Variants in EML6 observed in about 807,000 individuals in gnomAD.
The protein encoded by EML6 is echinoderm microtubule-associated protein-like 6.
In EML6, 154 loss-of-function variants were observed where a neutral mutation model predicts 240.1. The ratio of observed to expected loss-of-function variants is 0.64; its 90% CI spans 0.56 to 0.73. The LOEUF (loss-of-function observed/expected upper bound fraction) is 0.73, where lower values mean the gene tolerates loss of function less well. Among genes scored for constraint, EML6 ranks in the 30% least tolerant of loss-of-function variants. The pLI, the probability that EML6 is intolerant of heterozygous loss-of-function variation, is 0.00. For synonymous variants in EML6, 1,148 were observed against 899.0 expected (o/e 1.28, Z -4.95); for missense variants, 2,964 against 2,474.6 (o/e 1.20, Z -4.20).
rs2104359937 is a variant in EML6 at position 54,726,507 on chromosome 2, A to G, written c.197+1249A>G. ...ACAGAAGGCAAGCACTTAATATTCA[A>G]ACTACAGATTTTAAAAAATCTTGAC... On this transcript the variant is annotated intron_variant, in intron 2 of 41. Transcript: ENST00000356458. Among the ~76,000 whole-genome samples the G allele has an allele frequency of 2.0e-5, 3 of 152,296 alleles. No homozygotes were observed. The South Asian group carries it at 6.2e-4, about 32-fold the overall frequency.
At chr2:54,957,232 A>C (rs1044998994) in intron 32 of EML6, among the ~76,000 whole-genome samples, 2 of 152,128 alleles carry the variant, frequency 1.3e-5, no homozygotes, top group Non-Finnish European at 2.9e-5. Flanking sequence ...AATAAAACTC[A>C]GGAGACATAA....
intron 2 of EML6, among the ~76,000 whole-genome samples, chr2:54,741,549 G>A (rs549441035): frequency 3.7e-4 from 57 of 152,230 alleles, no homozygotes; most frequent in African/African-American, 1.3e-3. Flanking sequence ...CAAGAATTCA[G>A]TTTCTAAAGA....
At chr2:54,946,937 G>A (rs1264146001) in intron 28 of EML6, among the ~76,000 whole-genome samples, 2 of 151,226 alleles carry the variant, frequency 1.3e-5, no homozygotes, top group Non-Finnish European at 2.9e-5. Flanking sequence ...AAAAAAAAAA[G>A]CATCGGATTG....
intron 32 of EML6, among the ~76,000 whole-genome samples, chr2:54,956,991 T>G (rs1676262325): frequency 6.6e-6 from 1 of 152,122 alleles, no homozygotes; most frequent in Non-Finnish European, 1.5e-5. Flanking sequence ...ATAATACTAT[T>G]ACTACTACTA....
At chr2:54,803,165 C>G (rs1396823748) in intron 2 of EML6, among the ~76,000 whole-genome samples, 2 of 152,114 alleles carry the variant, frequency 1.3e-5, no homozygotes, top group Non-Finnish European at 2.9e-5. Flanking sequence ...TTCTTAACCA[C>G]AAGAGCAAAA....
chr2:54,837,198 C>A (rs763709183), intron 7 of EML6, among the ~76,000 whole-genome samples: 1 of 152,204 alleles, frequency 6.6e-6, no homozygotes, highest in African/African-American at 2.4e-5. Context: ...TGTCTTGTTT[C>A]ACCTTCAGTA....
At position 54,829,512 on chromosome 2, in the gene EML6, A is replaced by T. The variant is rs184455363; in HGVS notation, c.847+35A>T. On this transcript the variant is annotated intron_variant, in intron 7 of 41. Transcript: ENST00000356458. ...GTGTTAAGCTTACCTGTAACTCTGG[A>T]TGTGAAATATAATGTGAAGTTCTGT... The T allele has an allele frequency of 3.5e-3, 5,193 of 1,502,728 alleles. 207 individuals carry two copies. The South Asian group carries it at 0.057, about 16-fold the overall frequency. 93.1% of individuals were successfully genotyped at this position (1,502,728 alleles called of 1,614,324 possible). A position where few individuals can be genotyped will look rare whatever the true frequency, so the allele number is the denominator to read the frequency against.
At chr2:54,892,362 A>C (rs1672516653) in intron 18 of EML6, 92 bp from the exon 19 acceptor site, 7 of 747,590 alleles carry the variant, frequency 9.4e-6, no homozygotes, top group South Asian at 7.2e-5. Context: ...ACCTAATGAG[A>C]GACACCAGGT....
At chr2:54,915,124 C>A (rs1673841900) in intron 25 of EML6, among the ~76,000 whole-genome samples, 1 of 152,188 alleles carries the variant, frequency 6.6e-6, no homozygotes, top group South Asian at 2.1e-4. Flanking sequence ...TTATTTAACC[C>A]TTTTGCATTG....
At chr2:54,952,347 C>T (rs1009112162) in intron 30 of EML6, among the ~76,000 whole-genome samples, 3 of 152,054 alleles carry the variant, frequency 2.0e-5, no homozygotes, top group Non-Finnish European at 4.4e-5. Flanking sequence ...TGGGAAGTAT[C>T]GAAGAGCAGC....
chr2:54,934,146 A>C (rs1161108334), intron 28 of EML6, among the ~76,000 whole-genome samples: 2 of 152,222 alleles, frequency 1.3e-5, no homozygotes, highest in Non-Finnish European at 2.9e-5. Context: ...AAATACCAGC[A>C]GTCAGGATAT....
At chr2:54,816,936 T>C in intron 4 of EML6, 51 bp downstream of exon 4, 2 of 1,114,822 alleles carry the variant, frequency 1.8e-6, no homozygotes, top group Non-Finnish European at 2.7e-6. Flanking sequence ...TGGGGGGACT[T>C]GTGATATCGC....
intron 38 of EML6, among the ~76,000 whole-genome samples, chr2:54,965,832 T>C (rs752011358): frequency 6.6e-6 from 1 of 152,240 alleles, no homozygotes; most frequent in Non-Finnish European, 1.5e-5. Context: ...TCCTAAACCA[T>C]AATTTCTAAT....
chr2:54,820,614 C>G (rs972359689), intron 5 of EML6, among the ~76,000 whole-genome samples, 152 bp downstream of exon 5: 2 of 152,050 alleles, frequency 1.3e-5, no homozygotes, highest in African/African-American at 4.8e-5. Flanking sequence ...CTGAAGCAAA[C>G]TAACATCAGC....
At chr2:54,898,352 A>G (rs560202969) in intron 21 of EML6, among the ~76,000 whole-genome samples, 19 of 152,294 alleles carry the variant, frequency 1.2e-4, no homozygotes, top group African/African-American at 4.3e-4. Flanking sequence ...GTTCTTAACT[A>G]AAATACACAA....
chr2:54,846,923 A>ATTTTTTT lies in EML6; in HGVS notation c.1050-556_1050-550dup, dbSNP rs34352060. Among the ~76,000 whole-genome samples the ATTTTTTT allele has an allele frequency of 2.3e-3, 304 of 129,924 alleles. 17 individuals carry two copies. The highest frequency in any genetic ancestry group is 0.011 in the South Asian group (39 of 3,570). The allele number at this position is 129,924 out of a possible 152,430, so 85.2% of individuals were successfully genotyped here. On this transcript the variant is annotated intron_variant, in intron 8 of 41. Transcript: ENST00000356458. Reference sequence around the variant, plus strand: ...AAAGTAATATTTTGTATGAAGTAGTATTTTTTTTTTTTTGGAGACAGGGCC... The same window carrying ATTTTTTT: ...AAAGTAATATTTTGTATGAAGTAGTATTTTTTTTTTTTTTTTTTTTGGAGACAGGGCC...
intron 22 of EML6, among the ~76,000 whole-genome samples, 154 bp downstream of exon 22, chr2:54,899,936 A>T (rs1321111628): frequency 6.6e-6 from 1 of 152,248 alleles, no homozygotes. Flanking sequence ...TACAGTCATA[A>T]CTAAGCACAT....
rs909454796 is a variant in EML6, at chr2:54,962,529, A to G, written c.4975A>G (p.Ile1659Val). 18 of 1,543,748 alleles carry G rather than the reference A, an allele frequency of 1.2e-5. No homozygotes were observed. The highest frequency in any genetic ancestry group is 1.5e-5 in the Non-Finnish European group (17 of 1,143,362). The change falls in exon 36 of 42, where the codon ATC becomes GTC. Residue 1659 changes from isoleucine to valine, a missense_variant. Ile to Val is a conservative substitution (Grantham distance 29, BLOSUM62 3). Coordinates refer to ENST00000356458, the MANE Select transcript of EML6 (RefSeq NM_001039753.4). The part of the protein sequence containing the change: ...VRSVCRGKGK[I>V]LVGTKDGEII... ...AGTGTTTCAATTACAACAGGGAAAA[A>G]TCTTAGTGGGAACCAAAGACGGAGA...
intron 8 of EML6, among the ~76,000 whole-genome samples, chr2:54,845,096 T>C (rs1020630503): frequency 6.6e-6 from 1 of 152,232 alleles, no homozygotes; most frequent in African/African-American, 2.4e-5. Context: ...AGCTCACTAG[T>C]TCCCACCTCC....
Sources: allele counts gnomAD v4.1 joint callset (sites outside exome capture counted in the v4.1 genomes callset), GRCh38; gene constraint gnomAD v4.1.1; transcripts MANE v1.5; gene names NCBI Gene and HGNC (gene_info 2026-07-23, HGNC 2026-07-21).